CHST12: variants seen among roughly 807,000 people sequenced by gnomAD.
The protein encoded by CHST12 is carbohydrate (chondroitin 4) sulfotransferase 12.
CHST12 carries 23 observed loss-of-function variants against 27.9 expected under a neutral mutation model. The ratio of observed to expected loss-of-function variants is 0.82; its 90% CI spans 0.59 to 1.17. The LOEUF is 1.17. Among genes scored for constraint, CHST12 ranks in the 50% most tolerant of loss-of-function variants. CHST12 has a pLI of 0.00. For synonymous variants in CHST12, 322 were observed against 273.0 expected, an observed-to-expected ratio of 1.18 and a Z score of -1.77; for missense variants, 682 against 603.0, an observed-to-expected ratio of 1.13 and a Z score of -1.37.
In CHST12 at chr7:2,438,079, G is replaced by C. The variant is rs949295532; in HGVS notation, c.*4195G>C. ...GGTCCAAGCAAAGTGGGTGGCGTGT[G>C]CATTTTGTGAACACGTGGTCTGCTT... On this transcript the variant is annotated 3_prime_UTR_variant, in exon 2 of 2. Transcript: ENST00000618655. The C allele has an allele frequency of 3.3e-5, 5 of 152,420 alleles. No homozygotes were observed. Among genetic ancestry groups the C allele is most frequent in the Admixed American group, 1.3e-4 (2 of 15,296 alleles). 9.4% of individuals were successfully genotyped at this position (152,420 alleles called of 1,614,324 possible). A position where few individuals can be genotyped will look rare whatever the true frequency, so the allele number is the denominator to read the frequency against.
rs1781855001 is a variant in CHST12, at chr7:2,417,995, T to C, written c.-78+14322T>C. On this transcript the variant is annotated intron_variant, in intron 1 of 1. Coordinates refer to ENST00000618655, the MANE Select transcript of CHST12 (RefSeq NM_018641.5). ...TAGATCTGGCCATGTGGCAGTGTCT[T>C]CCAGAGCAGGATGGCTGTGGTCACG... 2.6e-5 allele frequency among the ~76,000 whole-genome samples: 4 copies of C among 152,384 alleles called. No homozygotes were observed. In the South Asian group the frequency reaches 8.3e-4, roughly 32 times the overall value.
At chr7:2,407,008 C>T (rs1013392460) in intron 1 of CHST12, among the ~76,000 whole-genome samples, 6 of 149,724 alleles carry the variant, frequency 4.0e-5, no homozygotes, top group Non-Finnish European at 7.4e-5. Context: ...AAGGAGTATT[C>T]GAATATCCAA....
chr7:2,415,335 A>G (rs2115399242), intron 1 of CHST12, among the ~76,000 whole-genome samples: 1 of 151,734 alleles, frequency 6.6e-6, no homozygotes, highest in African/African-American at 2.4e-5. Context: ...ACTGCACTCC[A>G]GCCTGGATGA....
chr7:2,426,275 C>T (rs1051576846), intron 1 of CHST12, among the ~76,000 whole-genome samples: 1 of 152,154 alleles, frequency 6.6e-6, no homozygotes, highest in African/African-American at 2.4e-5. Flanking sequence ...GGCTTCAGAG[C>T]CAGGCTGATG....
chr7:2,430,144 T>G (rs1480318050), intron 1 of CHST12, among the ~76,000 whole-genome samples: 1 of 152,164 alleles, frequency 6.6e-6, no homozygotes, highest in Non-Finnish European at 1.5e-5. Context: ...ATTTTCATTC[T>G]CATTCTATTC....
chr7:2,405,111 G>T (rs1429560009), intron 1 of CHST12, among the ~76,000 whole-genome samples: 1 of 152,126 alleles, frequency 6.6e-6, no homozygotes, highest in African/African-American at 2.4e-5. Flanking sequence ...GTGGGTCGCC[G>T]TGTTCTTGAT....
intron 1 of CHST12, among the ~76,000 whole-genome samples, chr7:2,427,052 T>C (rs547806925): frequency 3.8e-5 from 5 of 132,786 alleles, no homozygotes; most frequent in East Asian, 2.2e-4. Context: ...TTTAAGAAAT[T>C]TGTAGCACTT....
At chr7:2,431,526 T>G (rs1217534116) in intron 1 of CHST12, among the ~76,000 whole-genome samples, 1 of 152,108 alleles carries the variant, frequency 6.6e-6, no homozygotes, top group Admixed American at 6.5e-5. Flanking sequence ...CCTCACACCA[T>G]CTCCTTCCAC....
chr7:2,404,825 G>C (rs547070503), intron 1 of CHST12, among the ~76,000 whole-genome samples: 10 of 152,262 alleles, frequency 6.6e-5, no homozygotes, highest in Non-Finnish European at 1.3e-4. Flanking sequence ...GTAACTGTCT[G>C]CTGTCACTCA....
Position 2,432,958 on chromosome 7 carries a change from TCCCCGCGCGACG to T in CHST12, c.323_334del (p.Pro108_Ala111del), listed in dbSNP as rs1326116076. 6.2e-7 allele frequency: 1 copy of T among 1,609,800 alleles called. No homozygotes were observed. The highest frequency in any genetic ancestry group is 8.5e-7 in the Non-Finnish European group (1 of 1,177,982). On this transcript the variant is annotated inframe_deletion, in exon 2 of 2. Coordinates refer to ENST00000618655, the MANE Select transcript of CHST12 (RefSeq NM_018641.5). ...GGAGAGCGTGAGAGGCTACGACTGG[TCCCCGCGCGACG>T]CCCGGCGCAGCCCAGACCAGGGCCG...
chr7:2,444,667 T>C lies in CHST12; in HGVS notation c.*10783T>C, dbSNP rs1305701147. ...CCAAGACAGAGATTCTGAGGCATGG[T>C]TCTGGAATGGGTTTTTCCGCCCACA... is the stretch of plus-strand genomic sequence containing the variant. On this transcript the variant is annotated 3_prime_UTR_variant, in exon 2 of 2. Transcript: ENST00000618655. 2 of 152,154 alleles carry C rather than the reference T, an allele frequency of 1.3e-5. No homozygotes were observed. Among genetic ancestry groups the C allele is most frequent in the South Asian group, 2.1e-4 (1 of 4,824 alleles). The allele number at this position is 152,154 out of a possible 1,614,324, so 9.4% of individuals were successfully genotyped here.
chr7:2,434,070 G>T lies in CHST12; in HGVS notation c.*186G>T. 1 of 505,798 alleles carries T rather than the reference G, an allele frequency of 2.0e-6. No individual in the cohort carries two copies. Among genetic ancestry groups the T allele is most frequent in the Non-Finnish European group, 3.5e-6 (1 of 287,482 alleles). 31.3% of individuals were successfully genotyped at this position (505,798 alleles called of 1,614,324 possible). On this transcript the variant is annotated 3_prime_UTR_variant, in exon 2 of 2. Transcript: ENST00000618655. ...AGGTATTTAATACGAAATGTGGAAGGGAATGCTGGAGTAAAATATCCCCTC... is the reference window on the plus strand; with the variant it reads ...AGGTATTTAATACGAAATGTGGAAGTGAATGCTGGAGTAAAATATCCCCTC...
At chr7:2,423,435 A>G (rs1461167376) in intron 1 of CHST12, among the ~76,000 whole-genome samples, 1 of 152,046 alleles carries the variant, frequency 6.6e-6, no homozygotes, top group Non-Finnish European at 1.5e-5. Flanking sequence ...ATGGAGAGAC[A>G]GCAGCGGGGG....
At chr7:2,422,445 T>C (rs1187886200) in intron 1 of CHST12, among the ~76,000 whole-genome samples, 1 of 151,794 alleles carries the variant, frequency 6.6e-6, no homozygotes, top group Non-Finnish European at 1.5e-5. Context: ...GGTTTCTCCG[T>C]TATTGGTCAG....
Position 2,448,133 on chromosome 7 carries a change from G to A in CHST12, c.*14249G>A, listed in dbSNP as rs1782799981. The A allele has an allele frequency of 6.6e-6, 1 of 152,214 alleles. No homozygotes were observed. 9.4% of individuals were successfully genotyped at this position (152,214 alleles called of 1,614,324 possible). A position where few individuals can be genotyped will look rare whatever the true frequency, so the allele number is the denominator to read the frequency against. ...TCCGCCCTCCTCGGCCTTCCAAAAT[G>A]CTAGGATTACAGGCATGAGCCGCCG... On this transcript the variant is annotated 3_prime_UTR_variant, in exon 2 of 2. Transcript: ENST00000618655.
At chr7:2,411,490 C>CTTTTTTTTTTTTTTTTT (rs79743047) in intron 1 of CHST12, among the ~76,000 whole-genome samples, 2 of 87,544 alleles carry the variant, frequency 2.3e-5, no homozygotes, top group African/African-American at 4.8e-5. Flanking sequence ...TAACTTAACT[C>CTTTTTTTTTTTTTTTTT]TTTTTTTTTT....
intron 1 of CHST12, among the ~76,000 whole-genome samples, chr7:2,406,831 A>G (rs1440767970): frequency 6.6e-6 from 1 of 152,176 alleles, no homozygotes; most frequent in Non-Finnish European, 1.5e-5. Context: ...GGGCATCTGA[A>G]GAAAACCTCT....
chr7:2,430,135 T>G (rs1306479293), intron 1 of CHST12, among the ~76,000 whole-genome samples: 1 of 152,160 alleles, frequency 6.6e-6, no homozygotes, highest in African/African-American at 2.4e-5. Context: ...ATATGTTGTA[T>G]TTTCATTCTC....
intron 1 of CHST12, among the ~76,000 whole-genome samples, chr7:2,405,535 A>G (rs1264601532): frequency 6.6e-6 from 1 of 152,104 alleles, no homozygotes; most frequent in African/African-American, 2.4e-5. Context: ...GTGCGACGCG[A>G]TTAGATGTGT....
Sources: allele counts gnomAD v4.1 joint callset (sites outside exome capture counted in the v4.1 genomes callset), GRCh38; gene constraint gnomAD v4.1.1; transcripts MANE v1.5; gene names NCBI Gene and HGNC (gene_info 2026-07-23, HGNC 2026-07-21).